DLGAP1: variants seen among roughly 807,000 people sequenced by gnomAD.
The protein encoded by DLGAP1 is disks large-associated protein 1.
In DLGAP1, 11 loss-of-function variants were observed where a neutral mutation model predicts 90.8. The ratio of observed to expected loss-of-function variants is 0.12; its 90% CI spans 0.08 to 0.20. DLGAP1 has a LOEUF of 0.20. DLGAP1 is among the 10% of genes least tolerant of loss of function. The pLI, the probability that DLGAP1 is intolerant of heterozygous loss-of-function variation, is 1.00. For missense variants in DLGAP1, 1,050 were observed against 1,333.8 expected, an observed-to-expected ratio of 0.79 and a Z score of 3.31; for synonymous variants, 558 against 540.7, an observed-to-expected ratio of 1.03 and a Z score of -0.44.
intron 3 of DLGAP1, among the ~76,000 whole-genome samples, chr18:3,919,181 C>T (rs1267978328): frequency 6.6e-6 from 1 of 152,166 alleles, no homozygotes; most frequent in Non-Finnish European, 1.5e-5. Flanking sequence ...TTTTAATCTC[C>T]TTTGTAGGCA....
intron 3 of DLGAP1, among the ~76,000 whole-genome samples, chr18:3,945,495 TA>T (rs1214568500): frequency 6.6e-6 from 1 of 152,228 alleles, no homozygotes; most frequent in Non-Finnish European, 1.5e-5. Context: ...CGATTGGTTC[TA>T]ATAGTTATGT....
chr18:4,179,936 G>T (rs146894414), intron 1 of DLGAP1, among the ~76,000 whole-genome samples: 5 of 152,112 alleles, frequency 3.3e-5, no homozygotes, highest in Non-Finnish European at 7.4e-5. Context: ...CAGTTGTTTT[G>T]GGGTGAGTGA....
chr18:3,809,525 G>A (rs1411331113), intron 5 of DLGAP1, among the ~76,000 whole-genome samples: 3 of 152,156 alleles, frequency 2.0e-5, no homozygotes, highest in Non-Finnish European at 4.4e-5. Context: ...GAAGCCTTTT[G>A]TTAGACACTT....
chr18:3,678,733 A>G (rs1411429016), intron 7 of DLGAP1, among the ~76,000 whole-genome samples: 1 of 152,230 alleles, frequency 6.6e-6, no homozygotes, highest in Non-Finnish European at 1.5e-5. Flanking sequence ...AGAAATGCAG[A>G]ATAGGATTTT....
At chr18:4,272,997 C>T (rs1401565506) in intron 1 of DLGAP1, among the ~76,000 whole-genome samples, 1 of 152,082 alleles carries the variant, frequency 6.6e-6, no homozygotes, top group Admixed American at 6.5e-5. Context: ...TAGGATGCAT[C>T]AAGGAGGGAT....
chr18:4,375,024 T>A (rs751830708), intron 1 of DLGAP1, among the ~76,000 whole-genome samples: 27 of 152,276 alleles, frequency 1.8e-4, no homozygotes, highest in Non-Finnish European at 3.4e-4. Context: ...TTCAAACAAA[T>A]AATTAATGCA....
chr18:3,834,122 C>T (rs954408247), intron 4 of DLGAP1, among the ~76,000 whole-genome samples: 5 of 151,718 alleles, frequency 3.3e-5, no homozygotes, highest in African/African-American at 7.3e-5. Flanking sequence ...CTGGCTAACA[C>T]GGTGAAACTC....
intron 5 of DLGAP1, among the ~76,000 whole-genome samples, chr18:3,745,873 G>C (rs1013462859): frequency 2.0e-5 from 3 of 151,984 alleles, no homozygotes; most frequent in Non-Finnish European, 4.4e-5. Flanking sequence ...TATTTTTGTA[G>C]AGAAGGGGTT....
intron 7 of DLGAP1, among the ~76,000 whole-genome samples, chr18:3,695,496 A>G (rs1422036571): frequency 6.6e-6 from 1 of 152,162 alleles, no homozygotes; most frequent in African/African-American, 2.4e-5. Flanking sequence ...CAGGTTTGTC[A>G]AAGATCAGAT....
chr18:3,554,701 T>C (rs2053654311), intron 9 of DLGAP1, among the ~76,000 whole-genome samples: 2 of 152,364 alleles, frequency 1.3e-5, no homozygotes, highest in East Asian at 3.9e-4. Context: ...TAGTTTTTAC[T>C]AATGAGTTTT....
At chr18:3,551,345 G>A (rs1207811900) in intron 9 of DLGAP1, among the ~76,000 whole-genome samples, 1 of 151,676 alleles carries the variant, frequency 6.6e-6, no homozygotes, top group Non-Finnish European at 1.5e-5. Flanking sequence ...CACCTCCCAG[G>A]TTCCACGATT....
intron 1 of DLGAP1, among the ~76,000 whole-genome samples, chr18:4,303,044 C>G (rs555411668): frequency 2.0e-5 from 3 of 152,296 alleles, no homozygotes; most frequent in Admixed American, 2.0e-4. Context: ...TTTCCTTCCA[C>G]TAATACTTAA....
At chr18:4,059,248 G>A (rs77471091) in intron 2 of DLGAP1, among the ~76,000 whole-genome samples, 5 of 152,222 alleles carry the variant, frequency 3.3e-5, no homozygotes, top group East Asian at 3.9e-4. Flanking sequence ...GGAAATAAGA[G>A]GGCTGCCCTT....
At chr18:4,221,083 T>C (rs1292853827) in intron 1 of DLGAP1, among the ~76,000 whole-genome samples, 1 of 152,134 alleles carries the variant, frequency 6.6e-6, no homozygotes, top group Non-Finnish European at 1.5e-5. Context: ...TAGGTTTTTG[T>C]TGATGTTTGC....
At chr18:3,717,453 G>T (rs2061803365) in intron 7 of DLGAP1, among the ~76,000 whole-genome samples, 1 of 152,108 alleles carries the variant, frequency 6.6e-6, no homozygotes, top group South Asian at 2.1e-4. Flanking sequence ...GAAAAGGAAG[G>T]CTTTCTCTGC....
In DLGAP1 at chr18:3,497,695, A is replaced by G. The variant is rs567831138; in HGVS notation, c.*1490T>C. 6 of 152,362 alleles carry G rather than the reference A, an allele frequency of 3.9e-5. No homozygotes were observed. In the South Asian group the frequency reaches 1.2e-3, roughly 32 times the overall value. 9.4% of individuals were successfully genotyped at this position (152,362 alleles called of 1,614,324 possible). ...AATGCCATTGATACTTAAGATTGCC[A>G]CATCCTAAGTGTTTAAACTGTGACG... On this transcript the variant is annotated 3_prime_UTR_variant, in exon 13 of 13. Coordinates refer to ENST00000315677, the MANE Select transcript of DLGAP1 (RefSeq NM_004746.4).
At chr18:4,309,125 T>G (rs965484215) in intron 1 of DLGAP1, among the ~76,000 whole-genome samples, 6 of 152,200 alleles carry the variant, frequency 3.9e-5, no homozygotes, top group Admixed American at 3.9e-4. Flanking sequence ...ACAACACACA[T>G]GGCTTTGCTT....
intron 1 of DLGAP1, among the ~76,000 whole-genome samples, chr18:4,236,436 G>A (rs150703619): frequency 1.2e-4 from 18 of 152,218 alleles, no homozygotes; most frequent in African/African-American, 4.3e-4. Flanking sequence ...GTGGTAGAAG[G>A]AGATTGCAAT....
chr18:4,003,476 G>C (rs567980119), intron 3 of DLGAP1, among the ~76,000 whole-genome samples: 3 of 66,622 alleles, frequency 4.5e-5, no homozygotes, highest in African/African-American at 1.7e-4. Context: ...GATTTATCTT[G>C]AAAGCATTTG....
Sources: gnomAD v4.1 joint callset for allele counts (sites outside exome capture counted in the v4.1 genomes callset) on GRCh38, gnomAD v4.1.1 for gene constraint, MANE v1.5 for transcripts, NCBI Gene and HGNC (gene_info 2026-07-23, HGNC 2026-07-21) for gene names.